Variants in EPS15 observed in about 807,000 individuals in gnomAD.
EPS15 encodes epidermal growth factor receptor pathway substrate 15.
Under a neutral mutation model 113.8 loss-of-function variants are expected in EPS15, and 72 were observed. The observed-to-expected ratio is 0.63, with a 90% CI of 0.52 to 0.77. The LOEUF is 0.77. Ranked by LOEUF, EPS15 falls within the 30% of genes least tolerant of loss-of-function variation. The pLI is 0.00. For synonymous variants in EPS15, 344 were observed against 363.4 expected (o/e 0.95, Z 0.61); for missense variants, 1,048 against 1,045.8 (o/e 1.00, Z -0.03).
intron 21 of EPS15, 55 bp from the exon 22 acceptor site, chr1:51,366,084 T>C: frequency 1.6e-6 from 2 of 1,215,806 alleles, no homozygotes; most frequent in African/African-American, 1.5e-5. Context: ...TTTTTTTTTT[T>C]GAGACAGAGT....
At chr1:51,486,437 A>G (rs2148529893) in intron 1 of EPS15, among the ~76,000 whole-genome samples, 1 of 151,830 alleles carries the variant, frequency 6.6e-6, no homozygotes, top group East Asian at 2.0e-4. Context: ...AAAAAAAAAA[A>G]AAAAAAAAAA....
chr1:51,433,948 T>C (rs910624348), intron 12 of EPS15, among the ~76,000 whole-genome samples: 1 of 152,238 alleles, frequency 6.6e-6, no homozygotes, highest in African/African-American at 2.4e-5. Flanking sequence ...AGTTTCATCT[T>C]TTCCACTGCC....
chr1:51,465,376 A>C, intron 5 of EPS15, 50 bp from the exon 6 acceptor site: 1 of 1,314,552 alleles, frequency 7.6e-7, no homozygotes, highest in South Asian at 1.3e-5. Flanking sequence ...CACATCAAGA[A>C]GCAATGAAGA....
chr1:51,431,419 G>A (rs1557463089), intron 12 of EPS15, among the ~76,000 whole-genome samples: 1 of 151,584 alleles, frequency 6.6e-6, no homozygotes, highest in South Asian at 2.1e-4. Flanking sequence ...AAATCAGATG[G>A]TTCATTTTAC....
intron 1 of EPS15, among the ~76,000 whole-genome samples, chr1:51,494,941 A>G (rs888705856): frequency 1.3e-5 from 2 of 152,238 alleles, no homozygotes; most frequent in African/African-American, 4.8e-5. Flanking sequence ...AATTCAACTC[A>G]TAACAATCAG....
At chr1:51,489,879 C>T (rs1450609780) in intron 1 of EPS15, among the ~76,000 whole-genome samples, 2 of 152,144 alleles carry the variant, frequency 1.3e-5, no homozygotes, top group Non-Finnish European at 2.9e-5. Flanking sequence ...TCCTCCAGCC[C>T]GGATCCTCAA....
chr1:51,464,367 G>A (rs1654696308), intron 6 of EPS15, among the ~76,000 whole-genome samples: 1 of 151,674 alleles, frequency 6.6e-6, no homozygotes, highest in Admixed American at 6.6e-5. Flanking sequence ...AGCCTCCCGA[G>A]TAGCTGGGAT....
chr1:51,460,976 C>A, intron 8 of EPS15, 115 bp downstream of exon 8: 1 of 647,020 alleles, frequency 1.5e-6, no homozygotes, highest in East Asian at 3.0e-5. Context: ...AAAAAAAGTT[C>A]ACCCAATAAT....
intron 21 of EPS15, chr1:51,372,250 C>T (rs1557774594): frequency 2.7e-5 from 13 of 480,868 alleles, no homozygotes; most frequent in South Asian, 1.4e-4. Flanking sequence ...GCCTAGTGGG[C>T]GGTGTGTGTC....
At chr1:51,361,786 A>G (rs1646392331) in intron 23 of EPS15, among the ~76,000 whole-genome samples, 1 of 152,206 alleles carries the variant, frequency 6.6e-6, no homozygotes, top group Non-Finnish European at 1.5e-5. Flanking sequence ...TGGCAGTAAG[A>G]GCAAATGACC....
At chr1:51,443,777 C>T (rs1347993463) in intron 11 of EPS15, among the ~76,000 whole-genome samples, 3 of 151,740 alleles carry the variant, frequency 2.0e-5, no homozygotes, top group Non-Finnish European at 4.4e-5. Flanking sequence ...CTCAGCCTCC[C>T]GAGTAGCTAG....
At chr1:51,468,427 A>C (rs1166511753) in intron 5 of EPS15, 46 bp downstream of exon 5, 2 of 1,276,700 alleles carry the variant, frequency 1.6e-6, no homozygotes, top group Non-Finnish European at 2.3e-6. Flanking sequence ...ACGTGGTGTC[A>C]CTTTTTAAAA....
rs1428808285 is a variant in EPS15 at position 51,378,737 on chromosome 1, C to T, written c.2120-12708G>A. Among the ~76,000 whole-genome samples, 5 of 152,092 alleles carry T rather than the reference C, an allele frequency of 3.3e-5. No individual in the cohort carries two copies. The South Asian group carries it at 1.0e-3, about 32-fold the overall frequency. Reference sequence around the variant, plus strand: ...TCAAAGACACTTTAAAAATACGTAACTAAAATTTGCCAACTTCCTGAAGAC... The same window carrying T: ...TCAAAGACACTTTAAAAATACGTAATTAAAATTTGCCAACTTCCTGAAGAC... On this transcript the variant is annotated intron_variant, in intron 21 of 24. Transcript: ENST00000371733.
In EPS15 at chr1:51,356,902, A is replaced by G. The variant is rs112896950; in HGVS notation, c.2545-56T>C. 2.6e-5 allele frequency: 39 copies of G among 1,492,784 alleles called. 1 individual carries two copies. In the Admixed American group the frequency reaches 4.7e-4, roughly 18 times the overall value. 92.5% of individuals were successfully genotyped at this position (1,492,784 alleles called of 1,614,324 possible). A position where few individuals can be genotyped will look rare whatever the true frequency, so the allele number is the denominator to read the frequency against. The stretch of plus-strand genomic sequence containing the variant: ...ATAAATAAATGAGTAAAGCAAGTAA[A>G]AAGAAGGAAAAATAGTTTTTACAAA... On this transcript the variant is annotated intron_variant, in intron 24 of 24. Coordinates refer to ENST00000371733, the MANE Select transcript of EPS15 (RefSeq NM_001981.3).
chr1:51,386,790 A>T (rs1647088659), intron 21 of EPS15, among the ~76,000 whole-genome samples: 1 of 152,102 alleles, frequency 6.6e-6, no homozygotes, highest in African/African-American at 2.4e-5. Flanking sequence ...AAAGAAACGA[A>T]CAAAGCCTCC....
chr1:51,492,479 CA>C (rs1557521797), intron 1 of EPS15, among the ~76,000 whole-genome samples: 2 of 152,002 alleles, frequency 1.3e-5, no homozygotes, highest in Non-Finnish European at 2.9e-5. Flanking sequence ...TTAGAATAGA[CA>C]AAAGAATTTC....
intron 1 of EPS15, among the ~76,000 whole-genome samples, chr1:51,508,226 A>G (rs1282784260): frequency 1.8e-5 from 2 of 114,002 alleles, no homozygotes; most frequent in African/African-American, 3.4e-5. Context: ...AAGAAAAGAA[A>G]AGAAAAGAAA....
chr1:51,372,528 G>T, intron 21 of EPS15: 2 of 530,752 alleles, frequency 3.8e-6, no homozygotes, highest in South Asian at 2.8e-5. Context: ...TAATGCCAAA[G>T]AATAGTTGGG....
In EPS15 at chr1:51,355,887, G is replaced by T; in HGVS notation, c.*813C>A. ...ACTTTTGCTTGCCTTATACTGATGG[G>T]TATATTTTAGGTGATAAATTTTCTC... On this transcript the variant is annotated 3_prime_UTR_variant, in exon 25 of 25. Transcript: ENST00000371733. 1 of 195,828 alleles carries T rather than the reference G, an allele frequency of 5.1e-6. No individual in the cohort carries two copies. 12.1% of individuals were successfully genotyped at this position (195,828 alleles called of 1,614,324 possible).
Sources: gnomAD v4.1 joint callset for allele counts (sites outside exome capture counted in the v4.1 genomes callset) on GRCh38, gnomAD v4.1.1 for gene constraint, MANE v1.5 for transcripts, NCBI Gene and HGNC (gene_info 2026-07-23, HGNC 2026-07-21) for gene names.